ENO4: variants seen among roughly 807,000 people sequenced by gnomAD.
ENO4 encodes 2-phospho-D-glycerate hydro-lyase.
Under a neutral mutation model 63.2 loss-of-function variants are expected in ENO4, and 53 were observed. That is an observed-to-expected ratio of 0.84 (90% confidence interval 0.67 to 1.05). The LOEUF is 1.05. Ranked by LOEUF, ENO4 falls within the 50% of genes least tolerant of loss-of-function variation. The pLI is 0.00. For synonymous variants in ENO4, 266 were observed against 283.8 expected, an observed-to-expected ratio of 0.94 and a Z score of 0.63; for missense variants, 719 against 772.0, an observed-to-expected ratio of 0.93 and a Z score of 0.81.
At chr10:116,889,392 G>A (rs958928785) in intron 10 of ENO4, among the ~76,000 whole-genome samples, 4 of 152,178 alleles carry the variant, frequency 2.6e-5, no homozygotes, top group African/African-American at 9.7e-5. Flanking sequence ...GTCACTTATA[G>A]GCTACAATTT....
chr10:116,876,317 A>G, intron 11 of ENO4, 57 bp downstream of exon 11: 8 of 1,299,840 alleles, frequency 6.2e-6, no homozygotes, highest in Non-Finnish European at 8.3e-6. Context: ...CAAGAAACCA[A>G]AAATACACAG....
Position 116,901,836 on chromosome 10 carries a change from G to A in ENO4, c.1195-9663G>A, listed in dbSNP as rs1183014974. 3.1e-6 allele frequency: 5 copies of A among 1,604,786 alleles called. No individual in the cohort carries two copies. The Admixed American group carries it at 7.0e-5, about 22-fold the overall frequency. ...CTTCACCTGGCTCAGGTGTTGGGGGGGACGGGCTGTTGAATTCTGCCTCCA... is the reference window on the plus strand; with the variant it reads ...CTTCACCTGGCTCAGGTGTTGGGGGAGACGGGCTGTTGAATTCTGCCTCCA... On this transcript the variant is annotated intron_variant, in intron 10 of 10. Coordinates refer to the ENO4 transcript ENST00000369207.
intron 3 of ENO4, among the ~76,000 whole-genome samples, chr10:116,857,707 C>T (rs949466368): frequency 2.0e-5 from 3 of 150,144 alleles, no homozygotes; most frequent in African/African-American, 4.9e-5. Flanking sequence ...GGCATGATCT[C>T]GGCTCACCAC....
intron 1 of ENO4, chr10:116,850,091 C>G (rs1246768130): frequency 2.5e-6 from 1 of 405,408 alleles, no homozygotes; most frequent in Non-Finnish European, 4.6e-6. Flanking sequence ...TAACACATAC[C>G]TTAATGCCCT....
Position 116,879,984 on chromosome 10 carries a change from T to C in ENO4, c.1721T>C (p.Leu574Pro). 5 of 1,540,470 alleles carry C rather than the reference T, an allele frequency of 3.2e-6. No homozygotes were observed. The highest frequency in any genetic ancestry group is 4.4e-6 in the Non-Finnish European group (5 of 1,137,828). The part of the protein sequence containing the change: ...IEEELVQNGT[L>P]GFKEEHTFFY... ...GAAGAACTTGTCCAGAATGGAACAC[T>C]GGGTATGCGCTGCTTTCTTGCTTTG... is the stretch of plus-strand genomic sequence containing the variant. The change falls in exon 13 of 14, where the codon CTG becomes CCG. Residue 574 changes from leucine (L) to proline (P), a missense_variant and splice_region_variant. Physicochemically the swap from Leu to Pro is moderately conservative, Grantham distance 98 (BLOSUM62 -3). Coordinates refer to ENST00000341276, the MANE Select transcript of ENO4 (RefSeq NM_001242699.2).
In ENO4 at chr10:116,892,149, C is replaced by T. The variant is rs193074083; in HGVS notation, c.1194+12163C>T. Among the ~76,000 whole-genome samples, 34 of 152,274 alleles carry T rather than the reference C, an allele frequency of 2.2e-4. 1 individual carries two copies. The highest frequency in any genetic ancestry group is 8.2e-4 in the African/African-American group (34 of 41,568). On this transcript the variant is annotated intron_variant, in intron 10 of 10. Transcript: ENST00000369207. ...TTTAGCTGAGTGACTGCAGCACAGG[C>T]ATCCCAGTACACGGCTTACCTCCCG...
chr10:116,878,267 A>G (rs1846891601), intron 11 of ENO4, among the ~76,000 whole-genome samples: 1 of 152,176 alleles, frequency 6.6e-6, no homozygotes, highest in African/African-American at 2.4e-5. Flanking sequence ...CTGGAGCAGA[A>G]CTCAGAGCCA....
chr10:116,862,853 G>A lies in ENO4; in HGVS notation c.990+1G>A, dbSNP rs1477937399. The A allele has an allele frequency of 6.5e-7, 1 of 1,540,194 alleles. No homozygotes were observed. The highest frequency in any genetic ancestry group is 2.4e-5 in the East Asian group (1 of 40,852). On this transcript the variant is annotated splice_donor_variant, in intron 7 of 13. Coordinates refer to ENST00000341276, the MANE Select transcript of ENO4 (RefSeq NM_001242699.2). LOFTEE classifies it high-confidence loss of function. ...ACATATCAACAAAATAATTGAAATG[G>A]TATGTAAAGAGATTCTATGTTATCT... is the stretch of plus-strand genomic sequence containing the variant.
At chr10:116,883,277 C>T (rs1014309428), downstream of ENO4, 2 of 151,968 alleles carry the variant, frequency 1.3e-5, no homozygotes, top group African/African-American at 4.8e-5. Context: ...TGTTATATAA[C>T]ATTTAATATG....
intron 9 of ENO4, 131 bp from the exon 10 acceptor site, chr10:116,873,945 A>C: frequency 7.5e-7 from 1 of 1,335,542 alleles, no homozygotes; most frequent in Non-Finnish European, 9.8e-7. Context: ...TTCTCAGGTC[A>C]ACGTGCCCTG....
At chr10:116,849,847 G>T in intron 1 of ENO4, 116 bp downstream of exon 1, 1 of 1,210,932 alleles carries the variant, frequency 8.3e-7, no homozygotes, top group Non-Finnish European at 1.2e-6. Flanking sequence ...AGCCGCCCGG[G>T]CCCTGGGCCT....
chr10:116,891,484 C>A (rs921761179), intron 10 of ENO4, among the ~76,000 whole-genome samples: 1 of 152,136 alleles, frequency 6.6e-6, no homozygotes, highest in Admixed American at 6.5e-5. Flanking sequence ...AAAACCGCAA[C>A]CATATTTACC....
intron 10 of ENO4, among the ~76,000 whole-genome samples, chr10:116,905,216 A>T (rs939031041): frequency 1.3e-4 from 19 of 151,890 alleles, no homozygotes; most frequent in Non-Finnish European, 2.9e-5. Context: ...CTCAAAAAAA[A>T]AAAAAAAAAA....
At chr10:116,884,171 T>C, downstream of ENO4, 2 of 454,822 alleles carry the variant, frequency 4.4e-6, no homozygotes, top group South Asian at 3.1e-5. Context: ...ATGTAAGTTT[T>C]GTGTGTGCAA....
rs565754588 is a variant in ENO4 at position 116,861,041 on chromosome 10, G to C, written c.805-18G>C. The C allele has an allele frequency of 7.1e-6, 11 of 1,542,212 alleles. No individual in the cohort carries two copies. The Admixed American group carries it at 1.2e-4, about 17-fold the overall frequency. On this transcript the variant is annotated intron_variant, in intron 5 of 13. Transcript: ENST00000341276. ...TGAACCCTGTTTCTCATTTTCCCTC[G>C]TTTTCCCCCTATTTCAGGAACAGCC...
At chr10:116,884,158 C>T (rs982469781), downstream of ENO4, 4 of 452,306 alleles carry the variant, frequency 8.8e-6, no homozygotes, top group Admixed American at 9.5e-5. Context: ...GTAAGCAGGA[C>T]GTATGTAAGT....
At chr10:116,884,358 T>C, downstream of ENO4, 1 of 421,292 alleles carries the variant, frequency 2.4e-6, no homozygotes, top group Non-Finnish European at 4.9e-6. Flanking sequence ...ATCAAATACC[T>C]TCATGTCAAA....
intron 3 of ENO4, among the ~76,000 whole-genome samples, chr10:116,857,663 G>A (rs1417214963): frequency 6.7e-6 from 1 of 149,318 alleles, no homozygotes; most frequent in Non-Finnish European, 1.5e-5. Flanking sequence ...TTTTGAGATG[G>A]AGTCTTCCTC....
intron 10 of ENO4, chr10:116,901,694 T>C: frequency 7.1e-6 from 10 of 1,411,196 alleles, no homozygotes; most frequent in Middle Eastern, 2.0e-4. Context: ...AGGAAACAAA[T>C]CAAAGAAACA....
Sources: allele counts gnomAD v4.1 joint callset (sites outside exome capture counted in the v4.1 genomes callset), GRCh38; gene constraint gnomAD v4.1.1; transcripts MANE v1.5; gene names NCBI Gene and HGNC (gene_info 2026-07-23, HGNC 2026-07-21).